GPC5: variants seen among roughly 807,000 people sequenced by gnomAD.
GPC5 encodes the protein glypican 5.
In GPC5, 47 loss-of-function variants were observed where a neutral mutation model predicts 53.9. The ratio of observed to expected loss-of-function variants is 0.87; its 90% CI spans 0.69 to 1.11. The LOEUF is 1.11. Ranked by LOEUF, GPC5 falls within the 50% of genes most tolerant of loss-of-function variation. The pLI, the probability that GPC5 is intolerant of heterozygous loss-of-function variation, is 0.00. For missense variants in GPC5, 748 were observed against 713.1 expected (o/e 1.05, Z -0.56); for synonymous variants, 286 against 263.3 (o/e 1.09, Z -0.84).
chr13:91,448,905 A>G lies in GPC5; in HGVS notation c.308A>G (p.Asn103Ser). 6.2e-7 allele frequency: 1 copy of G among 1,613,022 alleles called. No individual in the cohort carries two copies. The highest frequency in any genetic ancestry group is 8.5e-7 in the Non-Finnish European group (1 of 1,179,492). ...SSTLKFLISRNAAAFQETLET... is the reference protein window; with the variant it reads ...SSTLKFLISRSAAAFQETLET... The stretch of plus-strand genomic sequence containing the variant: ...ACATTAAAGTTTCTAATATCTCGAA[A>G]TGCGGCTGCTTTTCAAGGTAAGTGG... The change falls in exon 2 of 8, where the codon AAT (asparagine) becomes AGT (serine). Residue 103 changes from asparagine to serine, a missense_variant. Transcript: ENST00000377067.
chr13:91,740,440 A>G (rs945484174), intron 4 of GPC5, among the ~76,000 whole-genome samples: 13 of 152,106 alleles, frequency 8.5e-5, no homozygotes, highest in African/African-American at 3.1e-4. Context: ...TTCCTGGATA[A>G]GAGTTGTGCT....
intron 7 of GPC5, among the ~76,000 whole-genome samples, chr13:92,619,083 C>T (rs2139111576): frequency 6.6e-6 from 1 of 151,942 alleles, no homozygotes; most frequent in Non-Finnish European, 1.5e-5. Context: ...AAATTACTCA[C>T]TTTGTGTTTA....
chr13:92,464,597 G>T (rs1252143347), intron 7 of GPC5, among the ~76,000 whole-genome samples: 1 of 151,874 alleles, frequency 6.6e-6, no homozygotes, highest in Non-Finnish European at 1.5e-5. Context: ...TCATAGTTAA[G>T]AATACCTTGA....
At chr13:91,591,391 C>T (rs913863010) in intron 2 of GPC5, among the ~76,000 whole-genome samples, 2 of 152,114 alleles carry the variant, frequency 1.3e-5, no homozygotes, top group Non-Finnish European at 1.5e-5. Context: ...TGTTGACCTT[C>T]GTGAATCTGA....
At chr13:91,842,289 A>G (rs1177399624) in intron 5 of GPC5, among the ~76,000 whole-genome samples, 3 of 151,734 alleles carry the variant, frequency 2.0e-5, no homozygotes, top group Non-Finnish European at 4.4e-5. Flanking sequence ...TTATTTCAAA[A>G]GCTTATCATT....
At chr13:91,581,347 G>A (rs1193367166) in intron 2 of GPC5, among the ~76,000 whole-genome samples, 1 of 152,148 alleles carries the variant, frequency 6.6e-6, no homozygotes, top group Non-Finnish European at 1.5e-5. Flanking sequence ...GCCCCATCAT[G>A]GTCAGCTTTT....
At chr13:92,560,944 A>G (rs771803124) in intron 7 of GPC5, among the ~76,000 whole-genome samples, 11 of 151,506 alleles carry the variant, frequency 7.3e-5, no homozygotes, top group Non-Finnish European at 1.5e-4. Flanking sequence ...CATTAAGGAT[A>G]CAGGAGTAGG....
At chr13:92,781,516 A>G (rs1304781043) in intron 7 of GPC5, among the ~76,000 whole-genome samples, 1 of 152,124 alleles carries the variant, frequency 6.6e-6, no homozygotes, top group African/African-American at 2.4e-5. Flanking sequence ...GTAGATCTCT[A>G]GATAATATGG....
At chr13:92,342,356 G>A (rs535309465) in intron 7 of GPC5, among the ~76,000 whole-genome samples, 26 of 152,170 alleles carry the variant, frequency 1.7e-4, no homozygotes, top group African/African-American at 3.6e-4. Context: ...TGTCTGCTAC[G>A]GTCTAAATGT....
intron 2 of GPC5, among the ~76,000 whole-genome samples, chr13:91,556,466 T>G (rs1459670853): frequency 2.6e-5 from 4 of 151,682 alleles, no homozygotes; most frequent in African/African-American, 9.7e-5. Flanking sequence ...TGCAAAAATA[T>G]GGAACCAGCC....
At chr13:92,092,945 C>T (rs2041392328) in intron 6 of GPC5, among the ~76,000 whole-genome samples, 1 of 152,030 alleles carries the variant, frequency 6.6e-6, no homozygotes, top group South Asian at 2.1e-4. Context: ...CAAAATTAGC[C>T]AATATCCCTA....
At chr13:91,998,438 T>C (rs1566385967) in intron 6 of GPC5, among the ~76,000 whole-genome samples, 1 of 152,196 alleles carries the variant, frequency 6.6e-6, no homozygotes, top group Non-Finnish European at 1.5e-5. Flanking sequence ...ATATAATTTC[T>C]GGATTAATTT....
At position 92,372,623 on chromosome 13, in the gene GPC5, C is replaced by T. The variant is rs564763126; in HGVS notation, c.1561+227634C>T. 7.2e-5 allele frequency among the ~76,000 whole-genome samples: 11 copies of T among 152,184 alleles called. No homozygotes were observed. In the South Asian group the frequency reaches 2.3e-3, roughly 32 times the overall value. ...AAAATATTTGAGGTGGGAGTAAATC[C>T]ACTAAATGCCACATGCCAAATATGT... is the stretch of plus-strand genomic sequence containing the variant. On this transcript the variant is annotated intron_variant, in intron 7 of 7. Coordinates refer to ENST00000377067, the MANE Select transcript of GPC5 (RefSeq NM_004466.6).
chr13:92,443,018 A>G lies in GPC5; in HGVS notation c.1561+298029A>G, dbSNP rs1490705371. Among the ~76,000 whole-genome samples the G allele has an allele frequency of 2.0e-5, 3 of 152,212 alleles. No individual in the cohort carries two copies. The East Asian group carries it at 5.8e-4, about 29-fold the overall frequency. ...GGAGGCTGGGTAATTTATAAATAAA[A>G]GAGGTTAATTTTGGCTCACAACCCT... On this transcript the variant is annotated intron_variant, in intron 7 of 7. Coordinates refer to ENST00000377067, the MANE Select transcript of GPC5 (RefSeq NM_004466.6).
chr13:92,405,109 A>G (rs1875734354), intron 7 of GPC5, among the ~76,000 whole-genome samples: 1 of 144,466 alleles, frequency 6.9e-6, no homozygotes, highest in Non-Finnish European at 1.5e-5. Flanking sequence ...TGCATTTAAG[A>G]AAGAATAATA....
intron 7 of GPC5, among the ~76,000 whole-genome samples, chr13:92,556,469 C>T (rs1428041538): frequency 1.3e-5 from 2 of 151,518 alleles, no homozygotes; most frequent in Non-Finnish European, 3.0e-5. Context: ...AAAAAGTCTT[C>T]GATGAGATAT....
chr13:91,412,597 G>A (rs1877891293), intron 1 of GPC5, among the ~76,000 whole-genome samples: 1 of 152,154 alleles, frequency 6.6e-6, no homozygotes, highest in African/African-American at 2.4e-5. Context: ...CTCAAATAAT[G>A]TAAATGACTA....
At chr13:92,701,874 A>G (rs1364307123) in intron 7 of GPC5, among the ~76,000 whole-genome samples, 1 of 152,138 alleles carries the variant, frequency 6.6e-6, no homozygotes, top group African/African-American at 2.4e-5. Flanking sequence ...AGGGAAAATA[A>G]AAGCTAATTC....
At chr13:92,054,903 T>G (rs1332681382) in intron 6 of GPC5, among the ~76,000 whole-genome samples, 1 of 152,230 alleles carries the variant, frequency 6.6e-6, no homozygotes, top group Non-Finnish European at 1.5e-5. Context: ...AATAAAAATG[T>G]GAACTATTCT....
Sources: allele counts gnomAD v4.1 joint callset (sites outside exome capture counted in the v4.1 genomes callset), GRCh38; gene constraint gnomAD v4.1.1; transcripts MANE v1.5; gene names NCBI Gene and HGNC (gene_info 2026-07-23, HGNC 2026-07-21).